The following MYOM1 variants were observed in gnomAD, a reference collection of about 807,000 sequenced individuals.
MYOM1 encodes the protein myomesin-1.
A neutral mutation model predicts 205.3 loss-of-function variants in MYOM1; 164 were observed. That is an observed-to-expected ratio of 0.80 (90% CI 0.70 to 0.91). The LOEUF is 0.91. Ranked by LOEUF, MYOM1 falls within the 40% of genes least tolerant of loss-of-function variation. The pLI is 0.00. For synonymous variants in MYOM1, 772 were observed against 789.4 expected (o/e 0.98, Z 0.37); for missense variants, 2,011 against 2,127.3 (o/e 0.95, Z 1.08).
chr18:3,201,991 G>A (rs77041981), intron 2 of MYOM1, among the ~76,000 whole-genome samples: 1,790 of 152,180 alleles, frequency 0.012, 19 homozygotes, highest in Middle Eastern at 0.037. Flanking sequence ...AATACTTATT[G>A]CATTGTGTTG....
intron 18 of MYOM1, among the ~76,000 whole-genome samples, chr18:3,128,401 T>C (rs1262207695): frequency 6.6e-6 from 1 of 152,184 alleles, no homozygotes; most frequent in Non-Finnish European, 1.5e-5. Context: ...TCATTGTTGT[T>C]TGATAGGAAA....
chr18:3,181,441 T>C (rs2080728788), intron 5 of MYOM1, among the ~76,000 whole-genome samples: 1 of 152,206 alleles, frequency 6.6e-6, no homozygotes, highest in Non-Finnish European at 1.5e-5. Context: ...CTGTTGTAAA[T>C]TGTAAATAAT....
intron 4 of MYOM1, among the ~76,000 whole-genome samples, chr18:3,188,408 C>G (rs113808013): frequency 0.089 from 13,465 of 151,288 alleles, 859 homozygotes; most frequent in African/African-American, 0.18. Flanking sequence ...CTTGAGGTCA[C>G]GAGTTCAAGA....
At chr18:3,163,389 T>C (rs901391768) in intron 10 of MYOM1, among the ~76,000 whole-genome samples, 3 of 152,142 alleles carry the variant, frequency 2.0e-5, no homozygotes, top group African/African-American at 7.2e-5. Context: ...GGAAACATGG[T>C]CTGGAAAATG....
At chr18:3,223,260 G>A (rs1020667033), upstream of MYOM1, among the ~76,000 whole-genome samples, 1 of 152,206 alleles carries the variant, frequency 6.6e-6, no homozygotes, top group African/African-American at 2.4e-5. Context: ...TTGTAAAACA[G>A]TATTACTTCC....
intron 19 of MYOM1, among the ~76,000 whole-genome samples, chr18:3,123,300 T>A (rs1281039982): frequency 6.6e-6 from 1 of 151,224 alleles, no homozygotes; most frequent in Non-Finnish European, 1.5e-5. Context: ...ATTTAAAAAA[T>A]TTAACAAAAG....
chr18:3,093,299 G>C (rs1598662697), intron 26 of MYOM1, among the ~76,000 whole-genome samples: 1 of 152,242 alleles, frequency 6.6e-6, no homozygotes, highest in South Asian at 2.1e-4. Flanking sequence ...TGATAGCACA[G>C]GTCAGTGCCC....
In MYOM1 at chr18:3,147,139, TAAATATATATATTATATAG is replaced by T. The variant is rs1293709852; in HGVS notation, c.1900+1987_1900+2005del. Among the ~76,000 whole-genome samples the T allele has an allele frequency of 8.0e-3, 1,138 of 142,984 alleles. 16 individuals are homozygous for T. Among genetic ancestry groups the T allele is most frequent in the African/African-American group, 0.028 (1,036 of 37,644 alleles). 93.8% of individuals were successfully genotyped at this position (142,984 alleles called of 152,430 possible). A position where few individuals can be genotyped will look rare whatever the true frequency, so the allele number is the denominator to read the frequency against. On this transcript the variant is annotated intron_variant, in intron 13 of 37. Transcript: ENST00000356443. ...ATATATAAATATTATATATTATAGA[TAAATATATATATTATATAG>T]AAATATATATATATAAAAAGTCAGA...
intron 1 of MYOM1, chr18:3,217,248 T>C (rs2081279691): frequency 6.6e-6 from 1 of 152,256 alleles, no homozygotes; most frequent in African/African-American, 2.4e-5. Context: ...AGGCTAGAGG[T>C]GACAGGGGTA....
At chr18:3,144,505 G>A (rs1390120402) in intron 13 of MYOM1, among the ~76,000 whole-genome samples, 2 of 152,090 alleles carry the variant, frequency 1.3e-5, no homozygotes, top group Non-Finnish European at 2.9e-5. Flanking sequence ...AATGTAAATG[G>A]TTAAAACACC....
intron 34 of MYOM1, among the ~76,000 whole-genome samples, chr18:3,076,577 C>T (rs2079023036): frequency 6.6e-6 from 1 of 152,060 alleles, no homozygotes; most frequent in Non-Finnish European, 1.5e-5. Context: ...CTGGTGCTTG[C>T]CTGAAGCAAT....
At chr18:3,119,787 T>C (rs1459530411) in intron 20 of MYOM1, 82 bp downstream of exon 20, 2 of 1,515,100 alleles carry the variant, frequency 1.3e-6, no homozygotes, top group Non-Finnish European at 1.8e-6. Context: ...GACCATATAG[T>C]ACTTTGAATT....
rs143577071 is a variant in MYOM1 at position 3,116,568 on chromosome 18, C to T, written c.3119-53G>A. On this transcript the variant is annotated intron_variant, in intron 20 of 37. Transcript: ENST00000356443. ...AAATCATAACAGAGAAAACTCGTCT[C>T]CACACGTTTAGAACCACTTGTAAGT... is the stretch of plus-strand genomic sequence containing the variant. 93 of 1,462,106 alleles carry T rather than the reference C, an allele frequency of 6.4e-5. No homozygotes were observed. In the African/African-American group the frequency reaches 1.2e-3, roughly 19 times the overall value. 90.6% of individuals were successfully genotyped at this position (1,462,106 alleles called of 1,614,324 possible). A position where few individuals can be genotyped will look rare whatever the true frequency, so the allele number is the denominator to read the frequency against.
At chr18:3,237,245 A>G in the MYOM1 span, among the ~76,000 whole-genome samples, 1 of 152,226 alleles carries the variant, frequency 6.6e-6, no homozygotes, top group Non-Finnish European at 1.5e-5. Flanking sequence ...GTGTCCATCA[A>G]CAAATGAACA....
At chr18:3,239,608 T>C in the MYOM1 span, among the ~76,000 whole-genome samples, 1 of 151,754 alleles carries the variant, frequency 6.6e-6, no homozygotes, top group Admixed American at 6.6e-5. Context: ...ATACAAAAAT[T>C]AGCCAGGTGT....
chr18:3,202,053 G>A (rs2081075801), intron 2 of MYOM1, among the ~76,000 whole-genome samples: 1 of 152,152 alleles, frequency 6.6e-6, no homozygotes, highest in Admixed American at 6.5e-5. Flanking sequence ...GTGCAAAGGA[G>A]GGAGAAGGAA....
the MYOM1 span, among the ~76,000 whole-genome samples, chr18:3,234,736 CT>C: frequency 6.6e-6 from 1 of 152,074 alleles, no homozygotes; most frequent in East Asian, 1.9e-4. Flanking sequence ...AAGACACTCC[CT>C]TTTTTTCTGG....
chr18:3,134,928 T>C, intron 15 of MYOM1, 104 bp from the exon 16 acceptor site: 12 of 1,132,432 alleles, frequency 1.1e-5, no homozygotes, highest in Non-Finnish European at 1.5e-5. Context: ...CTTCGTCATG[T>C]CAAAAGAACA....
chr18:3,126,066 T>G (rs1247143056), intron 19 of MYOM1, among the ~76,000 whole-genome samples: 2 of 152,040 alleles, frequency 1.3e-5, no homozygotes, highest in Non-Finnish European at 2.9e-5. Context: ...GCCAGGAGTT[T>G]GAGACCAGCC....
Sources: gnomAD v4.1 joint callset for allele counts (sites outside exome capture counted in the v4.1 genomes callset) on GRCh38, gnomAD v4.1.1 for gene constraint, MANE v1.5 for transcripts, NCBI Gene and HGNC (gene_info 2026-07-23, HGNC 2026-07-21) for gene names.